The following SLC12A7 variants were observed in gnomAD, a reference collection of about 807,000 sequenced individuals.
The protein encoded by SLC12A7 is K-Cl cotransporter 4.
SLC12A7 carries 100 observed loss-of-function variants against 120.6 expected under a neutral mutation model. The ratio of observed to expected loss-of-function variants is 0.83; its 90% CI spans 0.71 to 0.98. SLC12A7 has a LOEUF of 0.98. Ranked by LOEUF, SLC12A7 falls within the 50% of genes least tolerant of loss-of-function variation. SLC12A7 has a pLI of 0.00. For missense variants in SLC12A7, 1,373 were observed against 1,548.1 expected (o/e 0.89, Z 1.90); for synonymous variants, 760 against 678.0 (o/e 1.12, Z -1.88).
the SLC12A7 span, among the ~76,000 whole-genome samples, chr5:1,134,646 G>A: frequency 1.3e-5 from 2 of 152,086 alleles, no homozygotes; most frequent in African/African-American, 4.8e-5. Context: ...ATGACCCTCT[G>A]ACCCAGCAAT....
intron 1 of SLC12A7, among the ~76,000 whole-genome samples, chr5:1,111,506 C>A (rs1743006590): frequency 6.6e-6 from 1 of 152,152 alleles, no homozygotes; most frequent in Admixed American, 6.5e-5. Context: ...GCTCCCGAAC[C>A]GCCCGGGTCT....
chr5:1,138,828 C>G, the SLC12A7 span, among the ~76,000 whole-genome samples: 15 of 152,344 alleles, frequency 9.8e-5, no homozygotes, highest in Non-Finnish European at 1.9e-4. Flanking sequence ...CGACACAGCC[C>G]TGTGTGCACA....
chr5:1,142,801 C>A, the SLC12A7 span, among the ~76,000 whole-genome samples: 4 of 138,496 alleles, frequency 2.9e-5, no homozygotes, highest in South Asian at 2.4e-4. Context: ...CTGCCCCCCC[C>A]ATACACACCC....
intron 1 of SLC12A7, among the ~76,000 whole-genome samples, chr5:1,111,416 G>T (rs1742994666): frequency 6.6e-6 from 1 of 152,178 alleles, no homozygotes; most frequent in South Asian, 2.1e-4. Context: ...GGCGGGGGCA[G>T]GACGGGCCGG....
At chr5:1,077,019 C>T (rs1014426886) in intron 12 of SLC12A7, among the ~76,000 whole-genome samples, 2 of 152,040 alleles carry the variant, frequency 1.3e-5, no homozygotes, top group African/African-American at 4.8e-5. Context: ...AGAGCTGTGC[C>T]TACGCCCGGC....
chr5:1,083,355 C>G (rs1739429771), intron 8 of SLC12A7, among the ~76,000 whole-genome samples: 1 of 152,212 alleles, frequency 6.6e-6, no homozygotes, highest in African/African-American at 2.4e-5. Flanking sequence ...GGTCCTTTTC[C>G]CTCAACCCCC....
At chr5:1,088,589 GC>G (rs1226824826) in intron 4 of SLC12A7, among the ~76,000 whole-genome samples, 1 of 152,158 alleles carries the variant, frequency 6.6e-6, no homozygotes, top group African/African-American at 2.4e-5. Context: ...CCCTGAAAGT[GC>G]CCAAGGTCCT....
chr5:1,094,398 C>A (rs943005795), intron 1 of SLC12A7, 150 bp from the exon 2 acceptor site: 2 of 659,886 alleles, frequency 3.0e-6, no homozygotes, highest in Admixed American at 4.6e-5. Flanking sequence ...ACACACTCTC[C>A]TTCCTTCCAC....
chr5:1,131,994 C>T, the SLC12A7 span, among the ~76,000 whole-genome samples: 3 of 152,208 alleles, frequency 2.0e-5, no homozygotes, highest in African/African-American at 7.2e-5. Context: ...TGCTGCGCTG[C>T]ATTCCCAGGA....
upstream of SLC12A7, among the ~76,000 whole-genome samples, chr5:1,112,331 C>T (rs1579452685): frequency 6.9e-5 from 2 of 28,846 alleles, no homozygotes; most frequent in African/African-American, 4.8e-4. Flanking sequence ...TGGAACTCCC[C>T]GCCCTCCCCG....
intron 8 of SLC12A7, among the ~76,000 whole-genome samples, chr5:1,082,249 C>CCA (rs1192151157): frequency 6.7e-6 from 1 of 149,206 alleles, no homozygotes; most frequent in African/African-American, 2.5e-5. Flanking sequence ...CCTGGGCTTC[C>CCA]TCTCTAGGGT....
the SLC12A7 span, among the ~76,000 whole-genome samples, chr5:1,153,257 C>T: frequency 3.9e-5 from 6 of 152,178 alleles, no homozygotes; most frequent in Non-Finnish European, 8.8e-5. Flanking sequence ...GCACCCACCC[C>T]AAAGAGGAGA....
chr5:1,155,714 CG>C, the SLC12A7 span, among the ~76,000 whole-genome samples: 1 of 151,008 alleles, frequency 6.6e-6, no homozygotes, highest in East Asian at 1.9e-4. Context: ...GAATGGGAAG[CG>C]GGTCCTCGTC....
At chr5:1,144,229 C>T in the SLC12A7 span, among the ~76,000 whole-genome samples, 8 of 152,274 alleles carry the variant, frequency 5.3e-5, no homozygotes, top group East Asian at 7.8e-4. Flanking sequence ...GGCGCAGCGC[C>T]GGGTGGCGGG....
chr5:1,091,193 G>C (rs1740457780), intron 3 of SLC12A7, among the ~76,000 whole-genome samples: 1 of 152,196 alleles, frequency 6.6e-6, no homozygotes, highest in Non-Finnish European at 1.5e-5. Flanking sequence ...TGCCAGGGAG[G>C]GCCAGGGAGA....
chr5:1,134,701 A>G, the SLC12A7 span, among the ~76,000 whole-genome samples: 1 of 152,168 alleles, frequency 6.6e-6, no homozygotes, highest in African/African-American at 2.4e-5. Flanking sequence ...AGGGACTCGA[A>G]CAGATATTTG....
intron 20 of SLC12A7, among the ~76,000 whole-genome samples, chr5:1,063,422 C>T (rs1027680438): frequency 6.6e-6 from 1 of 152,104 alleles, no homozygotes; most frequent in Non-Finnish European, 1.5e-5. Flanking sequence ...GAGGAGGACA[C>T]GGGACCATGG....
At chr5:1,142,947 A>ACTGGGCCCTGGGCACTGGGCC in the SLC12A7 span, among the ~76,000 whole-genome samples, 5 of 151,316 alleles carry the variant, frequency 3.3e-5, no homozygotes, top group Non-Finnish European at 7.4e-5. Flanking sequence ...CTGGGAGGGC[A>ACTGGGCCCTGGGCACTGGGCC]CTGGGCCCTG....
rs562015510 is a variant in SLC12A7, at chr5:1,068,118, C to CT, written c.2242-2641dup. ...GCATGAGTCACGAAGCTGCACGCTT[C>CT]TTAGAGAAATGTCCATGCTTTACAG... is the stretch of plus-strand genomic sequence containing the variant. On this transcript the variant is annotated intron_variant, in intron 17 of 23. Coordinates refer to ENST00000264930, the MANE Select transcript of SLC12A7 (RefSeq NM_006598.3). 3.9e-5 allele frequency among the ~76,000 whole-genome samples: 6 copies of CT among 152,370 alleles called. No homozygotes were observed. The South Asian group carries it at 1.0e-3, about 26-fold the overall frequency.
Sources: allele counts gnomAD v4.1 joint callset (sites outside exome capture counted in the v4.1 genomes callset), GRCh38; gene constraint gnomAD v4.1.1; transcripts MANE v1.5; gene names NCBI Gene and HGNC (gene_info 2026-07-23, HGNC 2026-07-21).